LUZP1: variants seen among roughly 807,000 people sequenced by gnomAD.
LUZP1 encodes the protein filamin mechanobinding actin cross-linking protein.
In LUZP1, 25 loss-of-function variants were observed where a neutral mutation model predicts 71.3. That is an observed-to-expected ratio of 0.35 (90% CI 0.26 to 0.49). The LOEUF (loss-of-function observed/expected upper bound fraction) is 0.49. Among genes scored for constraint, LUZP1 ranks in the 20% least tolerant of loss-of-function variants. The pLI is 0.99. For synonymous variants in LUZP1, 481 were observed against 506.4 expected, an observed-to-expected ratio of 0.95 and a Z score of 0.67; for missense variants, 1,142 against 1,300.8, an observed-to-expected ratio of 0.88 and a Z score of 1.88.
chr1:23,091,523 T>G (rs748167659), exon 4 of LUZP1: 1 of 1,614,220 alleles, frequency 6.2e-7, no homozygotes, highest in South Asian at 1.1e-5. Context: ...GTCTGGCATC[T>G]GAGAAGCCCA....
intron 2 of LUZP1, among the ~76,000 whole-genome samples, chr1:23,155,297 C>A (rs1644413040): frequency 6.6e-6 from 1 of 152,160 alleles, no homozygotes; most frequent in Non-Finnish European, 1.5e-5. Context: ...AAATGGCTTT[C>A]TTTCAATCCT....
At chr1:23,111,929 T>C (rs532090425) in intron 2 of LUZP1, among the ~76,000 whole-genome samples, 7 of 152,258 alleles carry the variant, frequency 4.6e-5, no homozygotes, top group Non-Finnish European at 7.4e-5. Flanking sequence ...TCTGCAGCCC[T>C]AACAGTGATA....
chr1:23,135,441 G>A (rs1232918533), intron 2 of LUZP1, among the ~76,000 whole-genome samples: 2 of 152,132 alleles, frequency 1.3e-5, no homozygotes, highest in African/African-American at 4.8e-5. Flanking sequence ...GGTGGAGTTG[G>A]GTAGACTTCA....
chr1:23,138,469 T>G (rs1644272078), intron 2 of LUZP1, among the ~76,000 whole-genome samples: 1 of 151,848 alleles, frequency 6.6e-6, no homozygotes, highest in Non-Finnish European at 1.5e-5. Flanking sequence ...AGATAGAAAG[T>G]AGATTATGAT....
At chr1:23,161,968 G>T (rs1198327523) in intron 2 of LUZP1, among the ~76,000 whole-genome samples, 1 of 142,406 alleles carries the variant, frequency 7.0e-6, no homozygotes, top group Non-Finnish European at 1.5e-5. Flanking sequence ...GGAGGTTGCA[G>T]TGAGCTGAGA....
chr1:23,132,306 T>A (rs1467037365), intron 2 of LUZP1, among the ~76,000 whole-genome samples: 1 of 152,170 alleles, frequency 6.6e-6, no homozygotes, highest in African/African-American at 2.4e-5. Context: ...CACCTGGTCA[T>A]AAGCTAAAGA....
chr1:23,166,149 G>A (rs928018020), intron 2 of LUZP1, among the ~76,000 whole-genome samples: 3 of 151,718 alleles, frequency 2.0e-5, no homozygotes, highest in Non-Finnish European at 2.9e-5. Context: ...AGACTTAAAT[G>A]ACTTATTCTA....
chr1:23,138,403 T>G (rs1644271554), intron 2 of LUZP1, among the ~76,000 whole-genome samples: 1 of 152,142 alleles, frequency 6.6e-6, no homozygotes, highest in African/African-American at 2.4e-5. Flanking sequence ...GATACAAAAG[T>G]CTACATATGG....
At chr1:23,155,524 C>T (rs536274538) in intron 2 of LUZP1, among the ~76,000 whole-genome samples, 2 of 152,288 alleles carry the variant, frequency 1.3e-5, no homozygotes, top group South Asian at 4.1e-4. Context: ...AATATCTACC[C>T]TAATGGGTTG....
intron 3 of LUZP1, among the ~76,000 whole-genome samples, chr1:23,097,351 G>A (rs906408933): frequency 2.0e-5 from 3 of 152,190 alleles, no homozygotes; most frequent in Non-Finnish European, 2.9e-5. Flanking sequence ...GACTACAGGG[G>A]ATAAGGTTGG....
At chr1:23,087,104 A>G (rs1234964923) in exon 5 of LUZP1, 3 of 152,160 alleles carry the variant, frequency 2.0e-5, no homozygotes, top group South Asian at 4.1e-4. Context: ...GGTACTTTCC[A>G]TAATACCTAG....
At chr1:23,141,568 G>A (rs925199695) in intron 2 of LUZP1, among the ~76,000 whole-genome samples, 3 of 152,226 alleles carry the variant, frequency 2.0e-5, no homozygotes, top group African/African-American at 7.2e-5. Flanking sequence ...GCAGCAAGGT[G>A]GGTGGGCACA....
chr1:23,111,897 C>CGAG (rs1644037602), intron 2 of LUZP1, among the ~76,000 whole-genome samples: 1 of 152,114 alleles, frequency 6.6e-6, no homozygotes, highest in Non-Finnish European at 1.5e-5. Flanking sequence ...TCACATAAAT[C>CGAG]TGGTCTATCT....
chr1:23,105,062 C>CTACA (rs1368374383), intron 3 of LUZP1, among the ~76,000 whole-genome samples: 1 of 152,154 alleles, frequency 6.6e-6, no homozygotes, highest in East Asian at 1.9e-4. Flanking sequence ...AATTTGCAAC[C>CTACA]TGTATTGGAC....
At chr1:23,086,337 A>G (rs1643765860) in exon 5 of LUZP1, 1 of 152,680 alleles carries the variant, frequency 6.5e-6, no homozygotes. Context: ...AAAGAAACAA[A>G]ATATCCTGAA....
At position 23,093,647 on chromosome 1, in the gene LUZP1, T is replaced by C; in HGVS notation, c.615A>G (p.Lys205=). 1 of 1,610,864 alleles carries C rather than the reference T, an allele frequency of 6.2e-7. No individual in the cohort carries two copies. The highest frequency in any genetic ancestry group is 8.5e-7 in the Non-Finnish European group (1 of 1,179,374). ...GTTCTTTTATCAATTTCTCATTTTCTTTCTCCTTTTCATTCAAGTATTTTC... is the reference window on the plus strand; with the variant it reads ...GTTCTTTTATCAATTTCTCATTTTCCTTCTCCTTTTCATTCAAGTATTTTC... Residue 205 remains lysine (K), a synonymous_variant, in exon 4 of 5, where the codon AAA becomes AAG. Coordinates refer to ENST00000302291, the Ensembl canonical transcript of LUZP1. The surrounding 1 kb of genome is among the most constrained non-coding windows in gnomAD (Gnocchi z 4.2).
chr1:23,171,105 T>C (rs1040974016), intron 1 of LUZP1, among the ~76,000 whole-genome samples: 4 of 145,556 alleles, frequency 2.7e-5, no homozygotes, highest in African/African-American at 1.0e-4. Context: ...AAAAAATATA[T>C]ATATATATAT....
chr1:23,096,679 A>C lies in LUZP1; in HGVS notation c.-119-2299T>G, dbSNP rs184085866. Among the ~76,000 whole-genome samples the C allele has an allele frequency of 5.9e-5, 9 of 152,340 alleles. No individual in the cohort carries two copies. In the East Asian group the frequency reaches 1.7e-3, roughly 29 times the overall value. On this transcript the variant is annotated intron_variant, in intron 3 of 4. Transcript: ENST00000302291. ...AAAATACCTGAGGTAGTAATTTATAAGAACAGAAACTGGCCAGGTGCGGTG... is the reference window on the plus strand; with the variant it reads ...AAAATACCTGAGGTAGTAATTTATACGAACAGAAACTGGCCAGGTGCGGTG...
At chr1:23,133,842 A>T (rs569543434) in intron 2 of LUZP1, among the ~76,000 whole-genome samples, 11 of 152,330 alleles carry the variant, frequency 7.2e-5, no homozygotes, top group African/African-American at 2.6e-4. Flanking sequence ...GTACAACACA[A>T]GGGGAAGTAC....
Sources: gnomAD v4.1 joint callset for allele counts (sites outside exome capture counted in the v4.1 genomes callset) on GRCh38, gnomAD v4.1.1 for gene constraint, Gnocchi (gnomAD v3.1) non-coding constraint, MANE v1.5 for transcripts, NCBI Gene and HGNC (gene_info 2026-07-23, HGNC 2026-07-21) for gene names.